Variants in COLGALT1 observed in about 807,000 individuals in gnomAD.
The protein encoded by COLGALT1 is collagen beta(1-O)galactosyltransferase 1, also known as procollagen galactosyltransferase 1.
A neutral mutation model predicts 60.8 loss-of-function variants in COLGALT1; 43 were observed. The ratio of observed to expected loss-of-function variants is 0.71; its 90% CI spans 0.55 to 0.91. COLGALT1 has a LOEUF of 0.91. Among genes scored for constraint, COLGALT1 ranks in the 40% least tolerant of loss-of-function variants. The pLI is 0.00. For missense variants in COLGALT1, 845 were observed against 880.0 expected (o/e 0.96, Z 0.50); for synonymous variants, 369 against 374.2 (o/e 0.99, Z 0.16).
Position 17,581,289 on chromosome 19 carries a change from G to T in COLGALT1, c.1714G>T (p.Glu572Ter), listed in dbSNP as rs147181442. Residue 572 changes from glutamate (E) to a stop codon, truncating the protein, a stop_gained, in exon 12 of 12, where the codon GAG (glutamate) becomes TAG (stop). Transcript: ENST00000252599. LOFTEE classifies it low-confidence loss of function (END_TRUNC). ...TGDDGYVSDT[E>*]TSVVWNNEHV... ...AGACGATGGCTATGTGAGTGACACCGAGACCTCAGTCGTATGGAACAATGA... is the reference window on the plus strand; with the variant it reads ...AGACGATGGCTATGTGAGTGACACCTAGACCTCAGTCGTATGGAACAATGA... 5 of 1,612,634 alleles carry T rather than the reference G, an allele frequency of 3.1e-6. No homozygotes were observed. The highest frequency in any genetic ancestry group is 1.3e-5 in the African/African-American group (1 of 74,840).
At chr19:17,556,299 G>A (rs1267755644) in intron 1 of COLGALT1, among the ~76,000 whole-genome samples, 1 of 152,228 alleles carries the variant, frequency 6.6e-6, no homozygotes, top group African/African-American at 2.4e-5. Flanking sequence ...ACCCTACTAG[G>A]GCAGCTCCGG....
intron 10 of COLGALT1, 36 bp downstream of exon 10, chr19:17,579,645 C>A: frequency 7.0e-7 from 1 of 1,433,670 alleles, no homozygotes; most frequent in East Asian, 2.8e-5. Context: ...GAAGCTGGGG[C>A]CTGGGGCAAG....
chr19:17,563,692 T>G (rs988182222), intron 3 of COLGALT1, among the ~76,000 whole-genome samples: 23 of 152,080 alleles, frequency 1.5e-4, no homozygotes, highest in Admixed American at 1.5e-3. Flanking sequence ...GGTTTCACTA[T>G]GCTGACCAGG....
At chr19:17,575,972 A>G (rs3943858) in intron 6 of COLGALT1, among the ~76,000 whole-genome samples, 135,218 of 152,204 alleles carry the variant, frequency 0.89, 60,507 homozygotes, top group African/African-American at 0.96. Context: ...GACATAGTGC[A>G]TGATCTCATG....
At chr19:17,561,413 A>G (rs1254136149) in intron 3 of COLGALT1, among the ~76,000 whole-genome samples, 2 of 151,398 alleles carry the variant, frequency 1.3e-5, no homozygotes, top group Admixed American at 1.3e-4. Flanking sequence ...CATCATATGT[A>G]ATGGCCAAAC....
chr19:17,577,918 GGTGAACCTTCTTC>G (rs746427843), intron 8 of COLGALT1, 26 bp from the exon 9 acceptor site: 2 of 1,579,020 alleles, frequency 1.3e-6, no homozygotes, highest in Non-Finnish European at 8.6e-7. Flanking sequence ...TGGCAGGCAG[GGTGAACCTTCTTC>G]GTGACCCTCT....
chr19:17,569,519 C>A (rs140897567), intron 5 of COLGALT1, among the ~76,000 whole-genome samples: 2,854 of 151,626 alleles, frequency 0.019, 56 homozygotes, highest in Non-Finnish European at 0.029. Flanking sequence ...CTCACTGCAA[C>A]CTCTGCCTCC....
At chr19:17,569,636 C>T (rs2076300266) in intron 5 of COLGALT1, among the ~76,000 whole-genome samples, 1 of 152,024 alleles carries the variant, frequency 6.6e-6, no homozygotes, top group African/African-American at 2.4e-5. Context: ...AGGGTTTCCC[C>T]AGGTTGGCCA....
rs770416761 is a variant in COLGALT1 at position 17,580,775 on chromosome 19, G to A, written c.1471G>A (p.Asp491Asn). ...VPRVRNLVEADYSYWTLAYVI... is the reference protein window; with the variant it reads ...VPRVRNLVEANYSYWTLAYVI... Reference sequence around the variant, plus strand: ...TCGCGTGAGGAACCTGGTGGAGGCCGACTATTCCTACTGGACCCTGGCCTA... The same window carrying A: ...TCGCGTGAGGAACCTGGTGGAGGCCAACTATTCCTACTGGACCCTGGCCTA... The change falls in exon 11 of 12, where the codon GAC (aspartate) becomes AAC (asparagine). Residue 491 changes from aspartate (D) to asparagine (N), a missense_variant. Asp to Asn is a conservative substitution (Grantham distance 23). Transcript: ENST00000252599. The A allele has an allele frequency of 5.0e-6, 8 of 1,613,966 alleles. No homozygotes were observed. The highest frequency in any genetic ancestry group is 1.1e-5 in the South Asian group (1 of 91,066).
At chr19:17,577,540 C>A in intron 8 of COLGALT1, 73 bp downstream of exon 8, 1 of 1,305,054 alleles carries the variant, frequency 7.7e-7, no homozygotes, top group Non-Finnish European at 1.0e-6. Flanking sequence ...TGGTAGACGG[C>A]AAGTGATTCA....
chr19:17,560,004 G>A (rs936405756), intron 2 of COLGALT1, among the ~76,000 whole-genome samples: 3 of 152,110 alleles, frequency 2.0e-5, no homozygotes, highest in Non-Finnish European at 2.9e-5. Flanking sequence ...TGCCCAGGCT[G>A]GTCTCAAAGT....
intron 5 of COLGALT1, among the ~76,000 whole-genome samples, chr19:17,571,188 T>C (rs7252312): frequency 0.83 from 125,490 of 151,902 alleles, 52,149 homozygotes; most frequent in Middle Eastern, 0.95. Context: ...GAGGGTGAGG[T>C]GGGTGGATCA....
At chr19:17,563,253 C>T (rs183253107) in intron 3 of COLGALT1, among the ~76,000 whole-genome samples, 1 of 144,484 alleles carries the variant, frequency 6.9e-6, no homozygotes, top group Non-Finnish European at 1.5e-5. Context: ...TGCAGTGGCG[C>T]GATCTTGGCT....
intron 9 of COLGALT1, 63 bp downstream of exon 9, chr19:17,578,152 G>A (rs774999477): frequency 1.4e-5 from 20 of 1,469,218 alleles, no homozygotes; most frequent in East Asian, 2.5e-5. Context: ...AGATTTGGAC[G>A]GGAAAGGGGT....
intron 11 of COLGALT1, 104 bp downstream of exon 11, chr19:17,581,009 G>C: frequency 6.8e-7 from 1 of 1,460,422 alleles, no homozygotes; most frequent in South Asian, 1.2e-5. Flanking sequence ...CTCTTCTTTT[G>C]CCTACTTCTC....
In COLGALT1 at chr19:17,563,187, C is replaced by CTT. The variant is rs954111271; in HGVS notation, c.489+2742_489+2743dup. Among the ~76,000 whole-genome samples the CTT allele has an allele frequency of 4.5e-3, 533 of 117,480 alleles. 6 individuals are homozygous for CTT. The highest frequency in any genetic ancestry group is 5.9e-3 in the Non-Finnish European group (341 of 57,754). The allele number at this position is 117,480 out of a possible 152,430, so 77.1% of individuals were successfully genotyped here. A position where few individuals can be genotyped will look rare whatever the true frequency, so the allele number is the denominator to read the frequency against. On this transcript the variant is annotated intron_variant, in intron 3 of 11. Coordinates refer to ENST00000252599, the MANE Select transcript of COLGALT1 (RefSeq NM_024656.4). ...GACACAAAATAATATTTTCGTGTTT[C>CTT]TTTTTTTTTTTTTTTTTTTTTGAGA...
At chr19:17,578,668 C>A (rs996160743) in intron 9 of COLGALT1, among the ~76,000 whole-genome samples, 2 of 152,178 alleles carry the variant, frequency 1.3e-5, no homozygotes, top group Admixed American at 6.5e-5. Flanking sequence ...CAGCCAAGAT[C>A]GTGCCACTGC....
At chr19:17,580,944 G>A (rs1191276651) in intron 11 of COLGALT1, 39 bp downstream of exon 11, 1 of 1,607,194 alleles carries the variant, frequency 6.2e-7, no homozygotes, top group Non-Finnish European at 8.5e-7. Flanking sequence ...GGGTTTCACG[G>A]TGGGTCTGTC....
In COLGALT1 at chr19:17,581,431, G is replaced by A. The variant is rs139708290; in HGVS notation, c.1856G>A (p.Arg619Gln). 107 of 1,607,954 alleles carry A rather than the reference G, an allele frequency of 6.7e-5. No individual in the cohort carries two copies. The highest frequency in any genetic ancestry group is 8.4e-5 in the Admixed American group (5 of 59,762). ...VLQSPLDSAARDEL is the reference protein window; with the variant it reads ...VLQSPLDSAAQDEL The stretch of plus-strand genomic sequence containing the variant: ...CAGTCCCCACTGGACAGTGCTGCCC[G>A]GGATGAACTCTGAGGGGTAGCAGCC... The change falls in exon 12 of 12, where the codon CGG becomes CAG. Residue 619 changes from arginine (R) to glutamine (Q), a missense_variant. Arg to Gln is a conservative substitution (Grantham distance 43). Coordinates refer to ENST00000252599, the MANE Select transcript of COLGALT1 (RefSeq NM_024656.4).
Sources: gnomAD v4.1 joint callset for allele counts (sites outside exome capture counted in the v4.1 genomes callset) on GRCh38, gnomAD v4.1.1 for gene constraint, MANE v1.5 for transcripts, NCBI Gene and HGNC (gene_info 2026-07-23, HGNC 2026-07-21) for gene names.